The following CDK7 variants were observed in gnomAD, a reference collection of about 807,000 sequenced individuals.
The protein encoded by CDK7 is cyclin-dependent kinase 7.
In CDK7, 25 loss-of-function variants were observed where a neutral mutation model predicts 49.1. That is an observed-to-expected ratio of 0.51 (90% CI 0.37 to 0.71). CDK7 has a LOEUF of 0.71. Among genes scored for constraint, CDK7 ranks in the 30% least tolerant of loss-of-function variants. The pLI is 0.00. For missense variants in CDK7, 316 were observed against 411.7 expected, an observed-to-expected ratio of 0.77 and a Z score of 2.01; for synonymous variants, 107 against 140.0, an observed-to-expected ratio of 0.76 and a Z score of 1.67.
rs540183212 is a variant in CDK7, at chr5:69,240,489, AAGG to A, written c.126+5039_126+5041del. On this transcript the variant is annotated intron_variant, in intron 2 of 11. Coordinates refer to ENST00000256443, the MANE Select transcript of CDK7 (RefSeq NM_001799.4). ...GTTTTAAAATATTTTAGGCAACAAA[AAGG>A]AGAGGTTGGATGAATGAAGTAAGTG... Among the ~76,000 whole-genome samples, 468 of 152,312 alleles carry A rather than the reference AAGG, an allele frequency of 3.1e-3. 3 individuals carry two copies. Among genetic ancestry groups the A allele is most frequent in the African/African-American group, 0.01 (427 of 41,566 alleles).
intron 9 of CDK7, among the ~76,000 whole-genome samples, chr5:69,272,267 A>T (rs1751639585): frequency 6.6e-6 from 1 of 152,172 alleles, no homozygotes. Flanking sequence ...CTGCCAATAC[A>T]ACAGAGTCTT....
intron 2 of CDK7, among the ~76,000 whole-genome samples, chr5:69,245,815 A>G (rs1749716413): frequency 6.6e-6 from 1 of 152,138 alleles, no homozygotes; most frequent in Non-Finnish European, 1.5e-5. Flanking sequence ...TGTTTCTTCT[A>G]GGTTTTCCAG....
chr5:69,275,313 A>G (rs191475006), intron 10 of CDK7, among the ~76,000 whole-genome samples: 1 of 152,326 alleles, frequency 6.6e-6, no homozygotes, highest in East Asian at 1.9e-4. Flanking sequence ...CATTGGTTCC[A>G]ACCTACTGTA....
At chr5:69,273,141 C>T in intron 10 of CDK7, 100 bp downstream of exon 10, 1 of 832,292 alleles carries the variant, frequency 1.2e-6, no homozygotes, top group Non-Finnish European at 1.8e-6. Flanking sequence ...TTTTTAAATA[C>T]TGGAAAGATG....
At chr5:69,259,757 T>G in intron 6 of CDK7, 61 bp from the exon 7 acceptor site, 2 of 974,808 alleles carry the variant, frequency 2.1e-6, no homozygotes, top group Non-Finnish European at 1.6e-6. Flanking sequence ...CAACTAAATG[T>G]AGCACTACAG....
At chr5:69,256,947 A>G (rs1294724903) in intron 5 of CDK7, among the ~76,000 whole-genome samples, 2 of 152,198 alleles carry the variant, frequency 1.3e-5, no homozygotes, top group Non-Finnish European at 1.5e-5. Flanking sequence ...AACTGGAACA[A>G]TCCAAACATC....
intron 10 of CDK7, among the ~76,000 whole-genome samples, chr5:69,275,616 G>A (rs973995008): frequency 1.3e-5 from 2 of 152,052 alleles, no homozygotes; most frequent in Non-Finnish European, 1.5e-5. Context: ...TACACATAAG[G>A]ACATTAACAA....
At chr5:69,239,867 G>C (rs769949498) in intron 2 of CDK7, among the ~76,000 whole-genome samples, 1 of 148,148 alleles carries the variant, frequency 6.8e-6, no homozygotes, top group Non-Finnish European at 1.5e-5. Context: ...TATGATATGA[G>C]GATCCAGTAT....
chr5:69,256,385 G>C (rs544979943), intron 5 of CDK7, among the ~76,000 whole-genome samples: 1 of 152,072 alleles, frequency 6.6e-6, no homozygotes, highest in Non-Finnish European at 1.5e-5. Context: ...ACAGAGTCTT[G>C]CTTTGTTACC....
At chr5:69,242,148 T>G (rs978507989) in intron 2 of CDK7, among the ~76,000 whole-genome samples, 1 of 152,236 alleles carries the variant, frequency 6.6e-6, no homozygotes, top group African/African-American at 2.4e-5. Flanking sequence ...CCAGCACCAC[T>G]TATTTATTTT....
At chr5:69,274,024 A>G (rs1190319959) in intron 10 of CDK7, among the ~76,000 whole-genome samples, 1 of 152,178 alleles carries the variant, frequency 6.6e-6, no homozygotes, top group Non-Finnish European at 1.5e-5. Context: ...ATGTGTACAC[A>G]TACTCTTTTA....
At chr5:69,260,128 CCA>C (rs1750724348) in intron 7 of CDK7, among the ~76,000 whole-genome samples, 192 bp downstream of exon 7, 1 of 152,138 alleles carries the variant, frequency 6.6e-6, no homozygotes, top group Non-Finnish European at 1.5e-5. Flanking sequence ...GCAGGCAGAC[CCA>C]CGAGGTCAGG....
intron 5 of CDK7, among the ~76,000 whole-genome samples, chr5:69,256,272 T>A (rs559410659): frequency 1.4e-4 from 22 of 152,326 alleles, no homozygotes; most frequent in Admixed American, 5.9e-4. Context: ...TTACAAATTA[T>A]ATTAAAAAAT....
intron 6 of CDK7, among the ~76,000 whole-genome samples, chr5:69,258,949 A>G (rs1750656074): frequency 6.6e-6 from 1 of 151,954 alleles, no homozygotes; most frequent in East Asian, 1.9e-4. Context: ...AGTGGTGCAC[A>G]CCTGTAGTCC....
chr5:69,256,427 C>T (rs1360242209), intron 5 of CDK7, among the ~76,000 whole-genome samples: 2 of 152,030 alleles, frequency 1.3e-5, no homozygotes, highest in South Asian at 2.1e-4. Flanking sequence ...GATCTCAACT[C>T]ACTGCAACCT....
At chr5:69,262,678 A>AAAAAAG (rs1187775358) in intron 8 of CDK7, among the ~76,000 whole-genome samples, 4 of 151,668 alleles carry the variant, frequency 2.6e-5, no homozygotes, top group African/African-American at 7.3e-5. Flanking sequence ...CAAAAAAAAA[A>AAAAAAG]AAAAAGAAAA....
chr5:69,275,064 CAAA>C (rs60134652), intron 10 of CDK7, among the ~76,000 whole-genome samples: 6 of 107,076 alleles, frequency 5.6e-5, no homozygotes, highest in Non-Finnish European at 1.0e-4. Context: ...ACTCTGTATC[CAAA>C]AAAAAAAAAA....
At chr5:69,271,540 T>C (rs1751548317) in intron 9 of CDK7, among the ~76,000 whole-genome samples, 1 of 150,292 alleles carries the variant, frequency 6.7e-6, no homozygotes, top group African/African-American at 2.4e-5. Flanking sequence ...CAAGACAAGA[T>C]CTGGCTTGTT....
At chr5:69,261,800 A>T (rs946856859) in intron 7 of CDK7, among the ~76,000 whole-genome samples, 5 of 152,162 alleles carry the variant, frequency 3.3e-5, no homozygotes, top group Non-Finnish European at 5.9e-5. Flanking sequence ...AAGTGCTGGG[A>T]TTACAGGCGT....
Sources: gnomAD v4.1 joint callset for allele counts (sites outside exome capture counted in the v4.1 genomes callset) on GRCh38, gnomAD v4.1.1 for gene constraint, MANE v1.5 for transcripts, NCBI Gene and HGNC (gene_info 2026-07-23, HGNC 2026-07-21) for gene names.